APOBEC3B: variants seen among roughly 807,000 people sequenced by gnomAD.
APOBEC3B encodes apolipoprotein B mRNA editing enzyme catalytic subunit 3B.
Under a neutral mutation model 53.4 loss-of-function variants are expected in APOBEC3B, and 29 were observed. That is an observed-to-expected ratio of 0.54 (90% CI 0.40 to 0.74). APOBEC3B has a LOEUF of 0.74. Ranked by LOEUF, APOBEC3B falls within the 30% of genes least tolerant of loss-of-function variation. The probability of loss-of-function intolerance (pLI) is 0.00; values close to 1 mark genes in which losing one functional copy is unlikely to be tolerated. For missense variants in APOBEC3B, 347 were observed against 496.2 expected, an observed-to-expected ratio of 0.70 and a Z score of 2.86; for synonymous variants, 132 against 184.8, an observed-to-expected ratio of 0.71 and a Z score of 2.32.
chr22:38,986,603 G>A (rs971153750), intron 4 of APOBEC3B, among the ~76,000 whole-genome samples, 191 bp downstream of exon 4: 3 of 147,746 alleles, frequency 2.0e-5, no homozygotes, highest in Non-Finnish European at 4.5e-5. Flanking sequence ...CTTCCTGTGA[G>A]TAAGAGGCCC....
intron 5 of APOBEC3B, 86 bp downstream of exon 5, chr22:38,989,696 GT>G (rs1278170662): frequency 7.0e-6 from 9 of 1,282,312 alleles, no homozygotes; most frequent in Non-Finnish European, 8.3e-6. Flanking sequence ...GGTGCCTGTG[GT>G]TTCCTGCAGT....
At chr22:38,984,874 T>A (rs930959350) in intron 2 of APOBEC3B, among the ~76,000 whole-genome samples, 1 of 145,898 alleles carries the variant, frequency 6.9e-6, no homozygotes, top group Non-Finnish European at 1.5e-5. Context: ...TTTTCCCACA[T>A]TTCTTTTTTC....
chr22:38,988,692 T>TCTCC lies in APOBEC3B; in HGVS notation c.570-763_570-762insCCCT, dbSNP rs1923849924. 3.7e-5 allele frequency among the ~76,000 whole-genome samples: 4 copies of TCTCC among 108,762 alleles called. 2 individuals carry two copies. Among genetic ancestry groups the TCTCC allele is most frequent in the African/African-American group, 1.5e-4 (4 of 26,432 alleles). The allele number at this position is 108,762 out of a possible 152,430, so 71.4% of individuals were successfully genotyped here. On this transcript the variant is annotated intron_variant, in intron 4 of 7. Coordinates refer to ENST00000333467, the MANE Select transcript of APOBEC3B (RefSeq NM_004900.5). Reference sequence around the variant, plus strand: ...CTCTCTTTCTCTCTTTCTCTTTCTTTCTTTCTTTCTTTCTTTCTTTCTTTC... The same window carrying TCTCC: ...CTCTCTTTCTCTCTTTCTCTTTCTTTCTCCCTTTCTTTCTTTCTTTCTTTCTTTC...
At chr22:38,989,351 C>T (rs1923895292) in intron 4 of APOBEC3B, 106 bp from the exon 5 acceptor site, 4 of 1,113,710 alleles carry the variant, frequency 3.6e-6, no homozygotes, top group Non-Finnish European at 5.0e-6. Flanking sequence ...TGACAGGTGC[C>T]TCAGTATATG....
Position 38,982,418 on chromosome 22 carries a change from A to T in APOBEC3B, c.-36A>T. ...TGAAACCACAGAGCTTCAAAAAAAG[A>T]GCGGGACAGGGACAAGCGTATCTAA... is the stretch of plus-strand genomic sequence containing the variant. On this transcript the variant is annotated 5_prime_UTR_variant, in exon 1 of 8. Coordinates refer to ENST00000333467, the MANE Select transcript of APOBEC3B (RefSeq NM_004900.5). 1 of 1,593,134 alleles carries T rather than the reference A, an allele frequency of 6.3e-7. No homozygotes were observed. Among genetic ancestry groups the T allele is most frequent in the Non-Finnish European group, 8.5e-7 (1 of 1,172,228 alleles).
chr22:38,989,965 C>T (rs780417899), intron 5 of APOBEC3B, among the ~76,000 whole-genome samples: 3 of 148,800 alleles, frequency 2.0e-5, no homozygotes, highest in Non-Finnish European at 3.0e-5. Context: ...CTTCATCCTG[C>T]GGAGAGACAG....
At position 38,988,325 on chromosome 22, in the gene APOBEC3B, G is replaced by A. The variant is rs1480340336; in HGVS notation, c.570-1132G>A. On this transcript the variant is annotated intron_variant, in intron 4 of 7. Transcript: ENST00000333467. ...GCACAGGGAGCCTGAAAATCCCAGT[G>A]GATAATGATGCTGTGCCCCAGCCAG... 3.8e-4 allele frequency among the ~76,000 whole-genome samples: 56 copies of A among 148,616 alleles called. 3 individuals carry two copies. The highest frequency in any genetic ancestry group is 6.4e-4 in the Non-Finnish European group (43 of 67,300).
chr22:38,987,823 A>C (rs980207415), intron 4 of APOBEC3B, among the ~76,000 whole-genome samples: 1 of 148,480 alleles, frequency 6.7e-6, no homozygotes, highest in African/African-American at 2.5e-5. Context: ...TAGGCAGGGC[A>C]CGGTGGCTTA....
rs749253938 is a variant in APOBEC3B at position 38,992,150 on chromosome 22, G to A, written c.1134+1G>A. 6.3e-7 allele frequency: 1 copy of A among 1,592,026 alleles called. No homozygotes were observed. ...TGGGAGGCTGCGGGCCATTCTCCAG[G>A]TGAGGGCTTCCTCCCTCTGCCTGGT... On this transcript the variant is annotated splice_donor_variant, in intron 7 of 7. Coordinates refer to ENST00000333467, the MANE Select transcript of APOBEC3B (RefSeq NM_004900.5). LOFTEE classifies it high-confidence loss of function.
rs749965333 is a variant in APOBEC3B, at chr22:38,989,516, G to A, written c.629G>A (p.Arg210Gln). ...FNFNNDPLVL[R>Q]RRQTYLCYEV... ...TTTAATAATGACCCTTTGGTCCTTC[G>A]ACGGCGCCAGACCTACTTGTGCTAT... The change falls in exon 5 of 8, where the codon CGA becomes CAA. Residue 210 changes from arginine (R) to glutamine (Q), a missense_variant. By Grantham distance (43) the Arg-to-Gln change is conservative (BLOSUM62 1). Transcript: ENST00000333467. The A allele has an allele frequency of 1.3e-5, 20 of 1,588,434 alleles. 1 individual carries two copies. The highest frequency in any genetic ancestry group is 5.7e-5 in the South Asian group (5 of 88,412).
intron 1 of APOBEC3B, among the ~76,000 whole-genome samples, chr22:38,983,323 AAAAG>A (rs1255688646): frequency 6.7e-6 from 1 of 148,420 alleles, no homozygotes; most frequent in African/African-American, 2.5e-5. Context: ...ATCAAAAAAA[AAAAG>A]AAAGAACATG....
chr22:38,988,683 C>CTCTCTCTCTTTCTTTCTTTCTTTCTT (rs1555894372), intron 4 of APOBEC3B, among the ~76,000 whole-genome samples: 2 of 47,528 alleles, frequency 4.2e-5, no homozygotes, highest in African/African-American at 1.8e-4. Context: ...TTCTCTCTTT[C>CTCTCTCTCTTTCTTTCTTTCTTTCTT]TCTTTCTTTC....
In APOBEC3B at chr22:38,985,260, T is replaced by TTAA. The variant is rs761249177; in HGVS notation, c.175-552_175-551insTAA. On this transcript the variant is annotated intron_variant, in intron 2 of 7. Transcript: ENST00000333467. ...TTTGGTTTTTTTTTAAGACTGAGTT[T>TTAA]CACTCTTTGTTGCCTGGGCTGGAGT... is the stretch of plus-strand genomic sequence containing the variant. 5.4e-5 allele frequency among the ~76,000 whole-genome samples: 8 copies of TTAA among 148,182 alleles called. No individual in the cohort carries two copies. The South Asian group carries it at 8.9e-4, about 17-fold the overall frequency.
chr22:38,990,483 T>C (rs1243222114), intron 5 of APOBEC3B, among the ~76,000 whole-genome samples: 2 of 147,710 alleles, frequency 1.4e-5, no homozygotes, highest in Admixed American at 7.0e-5. Flanking sequence ...ACTTGACCGA[T>C]TCCTAGTCTT....
rs1469473524 is a variant in APOBEC3B, at chr22:38,988,720, T to G, written c.570-737T>G. On this transcript the variant is annotated intron_variant, in intron 4 of 7. Coordinates refer to ENST00000333467, the MANE Select transcript of APOBEC3B (RefSeq NM_004900.5). ...TTCTTTCTTTCTTTCTTTCTTTCTTTCTTTCTTTCTTTCTTTCTTTCTTTC... is the reference window on the plus strand; with the variant it reads ...TTCTTTCTTTCTTTCTTTCTTTCTTGCTTTCTTTCTTTCTTTCTTTCTTTC... 8.7e-4 allele frequency among the ~76,000 whole-genome samples: 115 copies of G among 131,468 alleles called. 7 individuals carry two copies. The highest frequency in any genetic ancestry group is 7.3e-3 in the Middle Eastern group (2 of 274). The allele number at this position is 131,468 out of a possible 152,430, so 86.2% of individuals were successfully genotyped here.
At chr22:38,984,774 A>C (rs1347660751) in intron 2 of APOBEC3B, among the ~76,000 whole-genome samples, 1 of 148,346 alleles carries the variant, frequency 6.7e-6, no homozygotes, top group Non-Finnish European at 1.5e-5. Flanking sequence ...TTTTCTTTTT[A>C]ACCCTTGCTA....
rs1555894380 is a variant in APOBEC3B, at chr22:38,988,691, T to TTCTTTCTC, written c.570-759_570-758insCTCTTTCT. On this transcript the variant is annotated intron_variant, in intron 4 of 7. Transcript: ENST00000333467. Reference sequence around the variant, plus strand: ...TCTCTCTTTCTCTCTTTCTCTTTCTTTCTTTCTTTCTTTCTTTCTTTCTTT... The same window carrying TTCTTTCTC: ...TCTCTCTTTCTCTCTTTCTCTTTCTTTCTTTCTCTCTTTCTTTCTTTCTTTCTTTCTTT... Among the ~76,000 whole-genome samples, 811 of 87,958 alleles carry TTCTTTCTC rather than the reference T, an allele frequency of 9.2e-3. 106 individuals carry two copies. Among genetic ancestry groups the TTCTTTCTC allele is most frequent in the Admixed American group, 0.063 (502 of 7,998 alleles). The allele number at this position is 87,958 out of a possible 152,430, so 57.7% of individuals were successfully genotyped here. A position where few individuals can be genotyped will look rare whatever the true frequency, so the allele number is the denominator to read the frequency against.
Position 38,989,844 on chromosome 22 carries a change from G to A in APOBEC3B, c.723+234G>A, listed in dbSNP as rs1923921475. Among the ~76,000 whole-genome samples, 2 of 148,516 alleles carry A rather than the reference G, an allele frequency of 1.3e-5. 1 individual carries two copies. Among genetic ancestry groups the A allele is most frequent in the Admixed American group, 1.4e-4 (2 of 14,478 alleles). ...AAGTGCTTCCTGAGGACCCTCCCAG[G>A]ATCCCCTCACAGACACAGCTCTCAC... On this transcript the variant is annotated intron_variant, in intron 5 of 7. Coordinates refer to ENST00000333467, the MANE Select transcript of APOBEC3B (RefSeq NM_004900.5).
chr22:38,990,419 C>T (rs1923948051), intron 5 of APOBEC3B, among the ~76,000 whole-genome samples: 1 of 147,746 alleles, frequency 6.8e-6, no homozygotes, highest in Non-Finnish European at 1.5e-5. Flanking sequence ...GATGGAATCC[C>T]TCCCTGTCTT....
Sources: gnomAD v4.1 joint callset for allele counts (sites outside exome capture counted in the v4.1 genomes callset) on GRCh38, gnomAD v4.1.1 for gene constraint, MANE v1.5 for transcripts, NCBI Gene and HGNC (gene_info 2026-07-23, HGNC 2026-07-21) for gene names.